COG5: variants seen among roughly 807,000 people sequenced by gnomAD.
The protein encoded by COG5 is conserved oligomeric Golgi complex subunit 5.
Under a neutral mutation model 110.4 loss-of-function variants are expected in COG5, and 86 were observed. The observed-to-expected ratio is 0.78, with a 90% CI of 0.65 to 0.93. The LOEUF (loss-of-function observed/expected upper bound fraction) is 0.93, where lower values mean the gene tolerates loss of function less well. Among genes scored for constraint, COG5 ranks in the 40% least tolerant of loss-of-function variants. The pLI is 0.00. For synonymous variants in COG5, 360 were observed against 334.6 expected (o/e 1.08, Z -0.83); for missense variants, 1,077 against 987.0 (o/e 1.09, Z -1.22).
intron 6 of COG5, among the ~76,000 whole-genome samples, chr7:107,429,671 G>A (rs1793881693): frequency 6.6e-6 from 1 of 152,124 alleles, no homozygotes; most frequent in South Asian, 2.1e-4. Context: ...ATTCCCACAT[G>A]TTGTGAGAGG....
chr7:107,482,003 A>G (rs1286060886), intron 6 of COG5, among the ~76,000 whole-genome samples: 1 of 152,080 alleles, frequency 6.6e-6, no homozygotes, highest in African/African-American at 2.4e-5. Flanking sequence ...TCTTGTTTAG[A>G]AGGTTGTTTC....
chr7:107,461,414 GA>G (rs1186400944), intron 6 of COG5, among the ~76,000 whole-genome samples: 1 of 151,888 alleles, frequency 6.6e-6, no homozygotes, highest in African/African-American at 2.4e-5. Context: ...AACAAAGAAG[GA>G]AACTTTATCA....
chr7:107,292,753 T>G (rs888562729), intron 12 of COG5, among the ~76,000 whole-genome samples: 1 of 152,036 alleles, frequency 6.6e-6, no homozygotes, highest in African/African-American at 2.4e-5. Flanking sequence ...AAGATAAGAG[T>G]AATCACCCCA....
At chr7:107,413,337 C>T (rs980187772) in intron 6 of COG5, among the ~76,000 whole-genome samples, 3 of 151,994 alleles carry the variant, frequency 2.0e-5, no homozygotes, top group Non-Finnish European at 4.4e-5. Flanking sequence ...TATATAACCA[C>T]CACCAGCTTC....
intron 6 of COG5, among the ~76,000 whole-genome samples, chr7:107,468,368 T>C (rs969465178): frequency 1.3e-5 from 2 of 152,108 alleles, no homozygotes; most frequent in Admixed American, 6.6e-5. Flanking sequence ...TTTCCACTGA[T>C]GCTATGCTTT....
intron 5 of COG5, among the ~76,000 whole-genome samples, chr7:107,532,974 A>T (rs1801317979): frequency 6.6e-6 from 1 of 152,044 alleles, no homozygotes; most frequent in African/African-American, 2.4e-5. Flanking sequence ...TCTCACGGTG[A>T]TTTTTTTCTA....
chr7:107,561,944 C>G (rs566718853), intron 1 of COG5, among the ~76,000 whole-genome samples: 1 of 152,100 alleles, frequency 6.6e-6, no homozygotes, highest in South Asian at 2.1e-4. Flanking sequence ...CCACTGCACT[C>G]CAGCCTGGGC....
intron 10 of COG5, among the ~76,000 whole-genome samples, chr7:107,357,975 G>T (rs1349655691): frequency 6.6e-6 from 1 of 152,140 alleles, no homozygotes; most frequent in Admixed American, 6.5e-5. Context: ...GGACTCATAC[G>T]CATTTAAAAT....
intron 1 of COG5, among the ~76,000 whole-genome samples, chr7:107,563,028 G>C (rs868139493): frequency 6.6e-6 from 1 of 152,148 alleles, no homozygotes; most frequent in South Asian, 2.1e-4. Flanking sequence ...AAAAAATTAA[G>C]AACAGGTGAG....
rs1388953181 is a variant in COG5, at chr7:107,474,213, A to C, written c.538+53024T>G. ...CTCTCACCGGATTTCTTATGTTAGA[A>C]ATTGTGTTGGGACTTGGCAGCAACC... On this transcript the variant is annotated intron_variant, in intron 6 of 21. Transcript: ENST00000297135. The surrounding 1 kb of genome is among the most constrained non-coding windows in gnomAD (Gnocchi z 5.7). 2 of 1,613,258 alleles carry C rather than the reference A, an allele frequency of 1.2e-6. No homozygotes were observed. Among genetic ancestry groups the C allele is most frequent in the Admixed American group, 3.3e-5 (2 of 59,946 alleles).
chr7:107,237,679 T>C (rs1292365238), intron 17 of COG5, among the ~76,000 whole-genome samples: 1 of 152,212 alleles, frequency 6.6e-6, no homozygotes, highest in Non-Finnish European at 1.5e-5. Flanking sequence ...AGTAGGCCTA[T>C]GTTCCAGCAG....
intron 6 of COG5, among the ~76,000 whole-genome samples, chr7:107,424,428 A>G (rs1272511956): frequency 2.0e-5 from 3 of 152,030 alleles, no homozygotes; most frequent in East Asian, 3.8e-4. Context: ...TCTCAGGCCT[A>G]TAAATATATA....
At chr7:107,335,622 A>G (rs1008462190) in intron 10 of COG5, among the ~76,000 whole-genome samples, 1 of 152,190 alleles carries the variant, frequency 6.6e-6, no homozygotes, top group South Asian at 2.1e-4. Flanking sequence ...CTTATTAGTA[A>G]TAACAGCGAA....
intron 19 of COG5, among the ~76,000 whole-genome samples, chr7:107,214,808 G>C (rs993803549): frequency 6.6e-6 from 1 of 151,918 alleles, no homozygotes; most frequent in Non-Finnish European, 1.5e-5. Context: ...TGTGGTCCCA[G>C]CTACTTAGGA....
At chr7:107,494,137 C>A (rs1032943759) in intron 6 of COG5, among the ~76,000 whole-genome samples, 1 of 152,034 alleles carries the variant, frequency 6.6e-6, no homozygotes, top group Non-Finnish European at 1.5e-5. Flanking sequence ...CCTCCAATTT[C>A]AAACTAAAAA....
chr7:107,442,451 T>A (rs1794763661), intron 6 of COG5, among the ~76,000 whole-genome samples: 2 of 151,842 alleles, frequency 1.3e-5, no homozygotes, highest in African/African-American at 4.8e-5. Context: ...GAAAGCTTGA[T>A]ATGGCTGTAT....
chr7:107,230,301 T>C (rs2301801), intron 19 of COG5, among the ~76,000 whole-genome samples: 28,682 of 152,028 alleles, frequency 0.19, 3,235 homozygotes, highest in East Asian at 0.31. Flanking sequence ...AATTATGAAT[T>C]GCCTAGTATT....
chr7:107,256,090 T>C (rs933913708), intron 16 of COG5, among the ~76,000 whole-genome samples: 2 of 152,182 alleles, frequency 1.3e-5, no homozygotes, highest in African/African-American at 4.8e-5. Flanking sequence ...GTCAACTACA[T>C]ATGGCTCTGA....
At chr7:107,405,592 T>C (rs1791775478) in intron 7 of COG5, among the ~76,000 whole-genome samples, 1 of 152,188 alleles carries the variant, frequency 6.6e-6, no homozygotes, top group Non-Finnish European at 1.5e-5. Context: ...CAAATATCAA[T>C]TTATACATAA....
Sources: allele counts gnomAD v4.1 joint callset (sites outside exome capture counted in the v4.1 genomes callset), GRCh38; gene constraint gnomAD v4.1.1; non-coding constraint Gnocchi (gnomAD v3.1); transcripts MANE v1.5; gene names NCBI Gene and HGNC (gene_info 2026-07-23, HGNC 2026-07-21).